PAK5: variants seen among roughly 807,000 people sequenced by gnomAD.
PAK5 encodes p21 (RAC1) activated kinase 5.
PAK5 carries 16 observed loss-of-function variants against 65.9 expected under a neutral mutation model. That is an observed-to-expected ratio of 0.24 (90% CI 0.16 to 0.37). PAK5 has a LOEUF of 0.37. Ranked by LOEUF, PAK5 falls within the 10% of genes least tolerant of loss-of-function variation. The probability of loss-of-function intolerance (pLI) is 1.00; values close to 1 mark genes in which losing one functional copy is unlikely to be tolerated. For missense variants in PAK5, 785 were observed against 903.9 expected (o/e 0.87, Z 1.69); for synonymous variants, 371 against 354.9 (o/e 1.05, Z -0.51).
At chr20:9,543,199 C>T (rs1298084081) in intron 8 of PAK5, among the ~76,000 whole-genome samples, 1 of 152,076 alleles carries the variant, frequency 6.6e-6, no homozygotes, top group Non-Finnish European at 1.5e-5. Context: ...CTCTTTTCTC[C>T]CCTACTTTGG....
intron 4 of PAK5, among the ~76,000 whole-genome samples, chr20:9,568,669 A>C (rs918584971): frequency 3.9e-5 from 6 of 152,164 alleles, no homozygotes; most frequent in African/African-American, 1.4e-4. Context: ...GAGGACACTC[A>C]AGAATCCTTT....
intron 6 of PAK5, among the ~76,000 whole-genome samples, chr20:9,558,472 A>T (rs187546876): frequency 6.6e-6 from 1 of 152,140 alleles, no homozygotes; most frequent in Non-Finnish European, 1.5e-5. Flanking sequence ...GGTCCCACAG[A>T]GTCAGCACAC....
At chr20:9,663,709 C>T (rs775389231) in intron 2 of PAK5, among the ~76,000 whole-genome samples, 45 of 152,178 alleles carry the variant, frequency 3.0e-4, no homozygotes, top group Middle Eastern at 6.8e-3. Flanking sequence ...TCTGAGCTCT[C>T]GAGTAAAGGT....
At chr20:9,670,914 A>G (rs1252443879) in intron 2 of PAK5, among the ~76,000 whole-genome samples, 9 of 152,180 alleles carry the variant, frequency 5.9e-5, no homozygotes, top group Admixed American at 2.6e-4. Context: ...TAGGTCTAAC[A>G]TGTAAGTCTT....
intron 3 of PAK5, among the ~76,000 whole-genome samples, chr20:9,587,581 G>A (rs536271811): frequency 5.3e-5 from 8 of 152,142 alleles, no homozygotes; most frequent in African/African-American, 1.9e-4. Context: ...GAAGACTAGG[G>A]GTGATTTATA....
intron 1 of PAK5, among the ~76,000 whole-genome samples, chr20:9,795,985 G>A (rs75630937): frequency 0.028 from 4,189 of 151,730 alleles, 111 homozygotes; most frequent in East Asian, 0.12. Flanking sequence ...ACAATGGATC[G>A]TCCTATAACT....
At chr20:9,783,092 A>C (rs1162575939) in intron 1 of PAK5, among the ~76,000 whole-genome samples, 1 of 151,886 alleles carries the variant, frequency 6.6e-6, no homozygotes, top group Non-Finnish European at 1.5e-5. Context: ...ATGTGCCACC[A>C]TAATCGGCTA....
intron 1 of PAK5, among the ~76,000 whole-genome samples, chr20:9,737,963 A>T (rs2048408366): frequency 6.6e-6 from 1 of 152,146 alleles, no homozygotes; most frequent in African/African-American, 2.4e-5. Context: ...CAACATGGTG[A>T]AACCCCATCT....
chr20:9,590,870 G>A (rs1201862545), intron 3 of PAK5, among the ~76,000 whole-genome samples: 1 of 152,206 alleles, frequency 6.6e-6, no homozygotes, highest in Admixed American at 6.5e-5. Flanking sequence ...ACAGCAATTC[G>A]AGAAGCAGAC....
At chr20:9,678,417 A>G (rs1042264479) in intron 2 of PAK5, among the ~76,000 whole-genome samples, 12 of 152,158 alleles carry the variant, frequency 7.9e-5, no homozygotes, top group Non-Finnish European at 1.5e-4. Context: ...AATACAAAAA[A>G]TTAGCCGGGC....
At chr20:9,615,484 TA>T (rs1476106035) in intron 3 of PAK5, among the ~76,000 whole-genome samples, 2 of 152,202 alleles carry the variant, frequency 1.3e-5, no homozygotes, top group African/African-American at 4.8e-5. Context: ...AAAACTGCTC[TA>T]AAAAGCAAAG....
intron 1 of PAK5, among the ~76,000 whole-genome samples, chr20:9,774,051 G>A (rs2048861748): frequency 6.6e-6 from 1 of 152,200 alleles, no homozygotes; most frequent in Non-Finnish European, 1.5e-5. Flanking sequence ...AAGCAAAGCA[G>A]GATATGGGGT....
chr20:9,781,800 G>A (rs6056869), intron 1 of PAK5, among the ~76,000 whole-genome samples: 49,064 of 151,798 alleles, frequency 0.32, 8,042 homozygotes, highest in Middle Eastern at 0.46. Context: ...GATTCCAACT[G>A]CTTCTCACTT....
chr20:9,815,492 T>C (rs1478730091), intron 1 of PAK5, among the ~76,000 whole-genome samples: 1 of 152,088 alleles, frequency 6.6e-6, no homozygotes, highest in African/African-American at 2.4e-5. Context: ...TGGGCCATCC[T>C]CATTGCTCCA....
chr20:9,587,274 A>T (rs2046086586), intron 3 of PAK5, among the ~76,000 whole-genome samples: 1 of 152,202 alleles, frequency 6.6e-6, no homozygotes, highest in Non-Finnish European at 1.5e-5. Context: ...TTGATGTGGG[A>T]GACTTTAAAG....
In PAK5 at chr20:9,566,008, C is replaced by A. The variant is rs2122993848; in HGVS notation, c.1367G>T (p.Gly456Val). ...GCATACGATGCCGGTTGAGCCTTCC[C>A]CGATTTTGATAAAGTTGGCCAAGTA... ...REYLANFIKIGEGSTGIVCIA... is the reference protein window; with the variant it reads ...REYLANFIKIVEGSTGIVCIA... Residue 456 changes from glycine (G) to valine (V), a missense_variant, in exon 5 of 10, where the codon GGG becomes GTG. Transcript: ENST00000353224. The A allele has an allele frequency of 6.2e-7, 1 of 1,613,590 alleles. No individual in the cohort carries two copies. The highest frequency in any genetic ancestry group is 8.5e-7 in the Non-Finnish European group (1 of 1,179,908).
intron 1 of PAK5, among the ~76,000 whole-genome samples, chr20:9,751,611 T>C (rs1022979750): frequency 6.6e-6 from 1 of 152,192 alleles, no homozygotes; most frequent in African/African-American, 2.4e-5. Flanking sequence ...CTGAAAATGT[T>C]TGCTTACGTT....
At chr20:9,747,333 T>C (rs1219982712) in intron 1 of PAK5, among the ~76,000 whole-genome samples, 1 of 152,102 alleles carries the variant, frequency 6.6e-6, no homozygotes, top group Non-Finnish European at 1.5e-5. Flanking sequence ...TAACTCATTT[T>C]ATGAGGCCAG....
intron 3 of PAK5, among the ~76,000 whole-genome samples, chr20:9,643,759 C>A (rs1218343791): frequency 7.2e-5 from 11 of 152,018 alleles, no homozygotes. Flanking sequence ...TGGAAAACAA[C>A]AAAAGGTGGT....
Sources: allele counts gnomAD v4.1 joint callset (sites outside exome capture counted in the v4.1 genomes callset), GRCh38; gene constraint gnomAD v4.1.1; transcripts MANE v1.5; gene names NCBI Gene and HGNC (gene_info 2026-07-23, HGNC 2026-07-21).